Variants in AGMO observed in about 807,000 individuals in gnomAD.
The protein encoded by AGMO is glyceryl-ether monooxygenase.
AGMO carries 75 observed loss-of-function variants against 60.2 expected under a neutral mutation model. The observed-to-expected ratio is 1.25, with a 90% CI of 1.03 to 1.51. The LOEUF (loss-of-function observed/expected upper bound fraction) is 1.51, where lower values mean the gene tolerates loss of function less well. Among genes scored for constraint, AGMO ranks in the 40% most tolerant of loss-of-function variants. The pLI, the probability that AGMO is intolerant of heterozygous loss-of-function variation, is 0.00. For synonymous variants in AGMO, 261 were observed against 177.1 expected (o/e 1.47, Z -3.76); for missense variants, 763 against 525.5 (o/e 1.45, Z -4.42).
At chr7:15,307,318 T>C (rs1358972820) in intron 12 of AGMO, among the ~76,000 whole-genome samples, 1 of 152,044 alleles carries the variant, frequency 6.6e-6, no homozygotes, top group Non-Finnish European at 1.5e-5. Context: ...GAATCACCAA[T>C]TTTATCACAT....
At chr7:15,135,563 T>A in the AGMO span, among the ~76,000 whole-genome samples, 1 of 152,162 alleles carries the variant, frequency 6.6e-6, no homozygotes, top group Admixed American at 6.5e-5. Context: ...ATAATACTGC[T>A]GTAAAATCTG....
chr7:15,274,447 C>T (rs1563065111), intron 12 of AGMO, among the ~76,000 whole-genome samples: 3 of 152,134 alleles, frequency 2.0e-5, no homozygotes, highest in Admixed American at 6.6e-5. Flanking sequence ...TTGAACCAGC[C>T]GTGCATCCCA....
intron 5 of AGMO, among the ~76,000 whole-genome samples, chr7:15,416,643 A>G (rs1398717525): frequency 6.6e-6 from 1 of 152,166 alleles, no homozygotes; most frequent in East Asian, 1.9e-4. Context: ...TCTTTGGCTA[A>G]CATGGTCATC....
the AGMO span, among the ~76,000 whole-genome samples, chr7:15,135,115 T>C: frequency 6.6e-6 from 1 of 151,340 alleles, no homozygotes; most frequent in Non-Finnish European, 1.5e-5. Flanking sequence ...TATATGCATA[T>C]AAGTGGAGAA....
intron 12 of AGMO, among the ~76,000 whole-genome samples, chr7:15,217,832 G>A (rs1432030978): frequency 6.6e-6 from 1 of 151,862 alleles, no homozygotes; most frequent in East Asian, 1.9e-4. Context: ...ACCAAATACT[G>A]GTATATAAAT....
chr7:15,432,854 TG>T (rs1781293265), intron 3 of AGMO, among the ~76,000 whole-genome samples: 1 of 151,986 alleles, frequency 6.6e-6, no homozygotes, highest in African/African-American at 2.4e-5. Context: ...GCCTAATGGC[TG>T]TACATAAGAA....
At chr7:15,120,252 T>A in the AGMO span, among the ~76,000 whole-genome samples, 46 of 152,184 alleles carry the variant, frequency 3.0e-4, no homozygotes, top group African/African-American at 1.1e-3. Flanking sequence ...CCACTAAAAA[T>A]GCTTTCCCAA....
At chr7:15,286,909 A>T (rs1342704610) in intron 12 of AGMO, among the ~76,000 whole-genome samples, 2 of 152,138 alleles carry the variant, frequency 1.3e-5, no homozygotes, top group Non-Finnish European at 2.9e-5. Context: ...ACAGAATGAA[A>T]TAACATCTCA....
intron 3 of AGMO, among the ~76,000 whole-genome samples, chr7:15,461,040 A>G (rs1027665352): frequency 6.6e-6 from 1 of 152,068 alleles, no homozygotes; most frequent in East Asian, 1.9e-4. Flanking sequence ...AAGAAGACAG[A>G]TGTATTTCCT....
At chr7:15,332,106 G>A (rs899087294) in intron 12 of AGMO, among the ~76,000 whole-genome samples, 2 of 152,054 alleles carry the variant, frequency 1.3e-5, no homozygotes, top group African/African-American at 4.8e-5. Context: ...CACATAAAAG[G>A]ATACACACTA....
In AGMO at chr7:15,465,301, A is replaced by G. The variant is rs75615467; in HGVS notation, c.410-34193T>C. ...CTTTCCTTGAATTTTAAATCAGAGT[A>G]AATATAGAAGTCTTCCGAAATTAGA... On this transcript the variant is annotated intron_variant, in intron 3 of 12. Coordinates refer to ENST00000342526, the MANE Select transcript of AGMO (RefSeq NM_001004320.2). Among the ~76,000 whole-genome samples, 59 of 151,832 alleles carry G rather than the reference A, an allele frequency of 3.9e-4. No individual in the cohort carries two copies. In the East Asian group the frequency reaches 8.2e-3, roughly 21 times the overall value.
chr7:15,391,740 T>C (rs1348617665), intron 6 of AGMO, among the ~76,000 whole-genome samples: 4 of 152,162 alleles, frequency 2.6e-5, no homozygotes, highest in African/African-American at 9.7e-5. Flanking sequence ...GCTATATACA[T>C]GCTTTAAATA....
At chr7:15,382,549 A>G (rs572172512) in intron 10 of AGMO, among the ~76,000 whole-genome samples, 15 of 152,304 alleles carry the variant, frequency 9.8e-5, no homozygotes, top group African/African-American at 3.6e-4. Context: ...AAATGAAATA[A>G]AATTAACAAG....
At chr7:15,368,546 C>T (rs1243516020) in intron 10 of AGMO, among the ~76,000 whole-genome samples, 4 of 152,066 alleles carry the variant, frequency 2.6e-5, no homozygotes, top group East Asian at 3.9e-4. Flanking sequence ...CTCAGCTATG[C>T]GTTTGGTACA....
the AGMO span, among the ~76,000 whole-genome samples, chr7:15,123,579 A>G: frequency 6.6e-6 from 1 of 152,130 alleles, no homozygotes; most frequent in Non-Finnish European, 1.5e-5. Context: ...CTCTCATCAC[A>G]GACTTTTGAT....
chr7:15,416,996 A>G (rs929277896), intron 5 of AGMO, among the ~76,000 whole-genome samples: 5 of 152,194 alleles, frequency 3.3e-5, no homozygotes, highest in African/African-American at 9.7e-5. Context: ...TTATTCTACT[A>G]TTTGTAAACA....
chr7:15,376,783 G>C (rs1370432911), intron 10 of AGMO, among the ~76,000 whole-genome samples: 1 of 151,988 alleles, frequency 6.6e-6, no homozygotes, highest in Non-Finnish European at 1.5e-5. Context: ...TGGCAGCTGA[G>C]GAATTGATTT....
intron 12 of AGMO, among the ~76,000 whole-genome samples, chr7:15,354,354 A>AC (rs1491490331): frequency 1.8e-4 from 14 of 76,434 alleles, no homozygotes; most frequent in Admixed American, 5.5e-4. Context: ...GCGTGTATAT[A>AC]GACGTGTGTA....
intron 3 of AGMO, among the ~76,000 whole-genome samples, chr7:15,530,600 T>C (rs1197676265): frequency 1.6e-5 from 2 of 128,206 alleles, no homozygotes; most frequent in African/African-American, 5.7e-5. Context: ...ATATATATTC[T>C]ATATACGTAT....
Sources: allele counts gnomAD v4.1 joint callset (sites outside exome capture counted in the v4.1 genomes callset), GRCh38; gene constraint gnomAD v4.1.1; transcripts MANE v1.5; gene names NCBI Gene and HGNC (gene_info 2026-07-23, HGNC 2026-07-21).